PEX14: variants seen among roughly 807,000 people sequenced by gnomAD.
PEX14 encodes peroxisomal biogenesis factor 14.
A neutral mutation model predicts 49.5 loss-of-function variants in PEX14; 15 were observed. The observed-to-expected ratio is 0.30, with a 90% CI of 0.20 to 0.47. The LOEUF (loss-of-function observed/expected upper bound fraction) is 0.47, where lower values mean the gene tolerates loss of function less well. Ranked by LOEUF, PEX14 falls within the 20% of genes least tolerant of loss-of-function variation. The pLI is 1.00. For missense variants in PEX14, 398 were observed against 494.8 expected, an observed-to-expected ratio of 0.80 and a Z score of 1.86; for synonymous variants, 210 against 212.7, an observed-to-expected ratio of 0.99 and a Z score of 0.11.
rs147860741 is a variant in PEX14, at chr1:10,587,238, C to T, written c.170-12000C>T. On this transcript the variant is annotated intron_variant, in intron 3 of 8. Transcript: ENST00000356607. ...TTGGGAGGCCGAGGCAGATGGATCA[C>T]GTGAAGCCAGGAGTTTGAGACCAGC... Among the ~76,000 whole-genome samples, 1,367 of 152,182 alleles carry T rather than the reference C, an allele frequency of 9.0e-3. 21 individuals carry two copies. The highest frequency in any genetic ancestry group is 0.031 in the African/African-American group (1,284 of 41,496).
chr1:10,535,036 A>G (rs1638759093), intron 2 of PEX14, among the ~76,000 whole-genome samples: 1 of 152,230 alleles, frequency 6.6e-6, no homozygotes, highest in Admixed American at 6.5e-5. Flanking sequence ...AGGATCTTAG[A>G]AAACTTCCTT....
chr1:10,553,797 C>T (rs1639402571), intron 3 of PEX14, among the ~76,000 whole-genome samples: 1 of 152,262 alleles, frequency 6.6e-6, no homozygotes, highest in East Asian at 1.9e-4. Context: ...TTGTCCTTCT[C>T]TGTTATATCT....
At chr1:10,562,411 G>A (rs1639676404) in intron 3 of PEX14, among the ~76,000 whole-genome samples, 2 of 152,182 alleles carry the variant, frequency 1.3e-5, no homozygotes, top group African/African-American at 2.4e-5. Flanking sequence ...ATCGTGAGTT[G>A]CATGATTGTC....
At chr1:10,527,410 G>A (rs1443294330) in intron 2 of PEX14, among the ~76,000 whole-genome samples, 28 of 150,180 alleles carry the variant, frequency 1.9e-4, no homozygotes, top group African/African-American at 6.6e-4. Context: ...CCAGCTACTC[G>A]GGAGGCTGAG....
At chr1:10,507,312 C>A (rs536039374) in intron 2 of PEX14, among the ~76,000 whole-genome samples, 3 of 152,242 alleles carry the variant, frequency 2.0e-5, no homozygotes, top group African/African-American at 7.2e-5. Context: ...CACTAGCGTG[C>A]GTGCGGGGCG....
chr1:10,489,675 T>A (rs911462272), intron 1 of PEX14, among the ~76,000 whole-genome samples: 1 of 152,236 alleles, frequency 6.6e-6, no homozygotes, highest in Non-Finnish European at 1.5e-5. Context: ...CCACTTTTTC[T>A]GCATAGCTCT....
At chr1:10,569,102 A>G (rs1639898259) in intron 3 of PEX14, among the ~76,000 whole-genome samples, 1 of 152,146 alleles carries the variant, frequency 6.6e-6, no homozygotes, top group African/African-American at 2.4e-5. Context: ...TTAAATATAA[A>G]CAGTGCTAAT....
intron 3 of PEX14, among the ~76,000 whole-genome samples, chr1:10,596,564 G>A (rs538494348): frequency 2.0e-5 from 3 of 152,120 alleles, no homozygotes; most frequent in Admixed American, 2.0e-4. Flanking sequence ...TTGATGTTTT[G>A]TAACTCTGGT....
At chr1:10,621,902 G>A (rs551020533) in intron 5 of PEX14, among the ~76,000 whole-genome samples, 79 of 152,174 alleles carry the variant, frequency 5.2e-4, no homozygotes, top group African/African-American at 1.7e-3. Flanking sequence ...AGAAGTTTCC[G>A]TCCTCTTTCC....
At chr1:10,555,988 C>G (rs1314925144) in intron 3 of PEX14, among the ~76,000 whole-genome samples, 1 of 152,042 alleles carries the variant, frequency 6.6e-6, no homozygotes, top group Non-Finnish European at 1.5e-5. Context: ...CACTGCTGGA[C>G]AAAGCAGTCC....
intron 3 of PEX14, among the ~76,000 whole-genome samples, chr1:10,581,426 C>G (rs984869742): frequency 2.6e-5 from 4 of 151,402 alleles, no homozygotes; most frequent in African/African-American, 9.7e-5. Context: ...CTGTCTCAGC[C>G]TCCCGAGTAG....
intron 3 of PEX14, among the ~76,000 whole-genome samples, chr1:10,570,752 C>G (rs1439987830): frequency 6.6e-6 from 1 of 151,874 alleles, no homozygotes; most frequent in Non-Finnish European, 1.5e-5. Context: ...TGAGTCCTTC[C>G]TAACATGTAA....
At chr1:10,567,849 G>A (rs1055029413) in intron 3 of PEX14, among the ~76,000 whole-genome samples, 3 of 151,900 alleles carry the variant, frequency 2.0e-5, no homozygotes, top group Non-Finnish European at 4.4e-5. Context: ...CAGGCTGGTC[G>A]CAAACTCCTG....
chr1:10,520,195 TC>T (rs1638238859), intron 2 of PEX14, among the ~76,000 whole-genome samples: 1 of 138,788 alleles, frequency 7.2e-6, no homozygotes, highest in Non-Finnish European at 1.5e-5. Context: ...TCTCACTCTG[TC>T]ACCCCAGGCT....
At chr1:10,598,552 G>T (rs977725173) in intron 3 of PEX14, among the ~76,000 whole-genome samples, 1 of 152,226 alleles carries the variant, frequency 6.6e-6, no homozygotes, top group African/African-American at 2.4e-5. Context: ...GGTTTAGAGT[G>T]TCGGGAGGAT....
At position 10,629,498 on chromosome 1, in the gene PEX14, G is replaced by A. The variant is rs757106108; in HGVS notation, c.678-33G>A. On this transcript the variant is annotated intron_variant, in intron 8 of 8. Transcript: ENST00000356607. This position sits in a 1 kb window ranked among gnomAD's most constrained non-coding sequence, Gnocchi z 8.5. Reference sequence around the variant, plus strand: ...TTCGAAGGGGGGCGTCCTGAATGCCGCCACCAACCTCCTCCCCTTCTTCTC... The same window carrying A: ...TTCGAAGGGGGGCGTCCTGAATGCCACCACCAACCTCCTCCCCTTCTTCTC... 8.5e-6 allele frequency: 13 copies of A among 1,521,018 alleles called. No homozygotes were observed. The highest frequency in any genetic ancestry group is 8.2e-5 in the African/African-American group (6 of 73,160). 94.2% of individuals were successfully genotyped at this position (1,521,018 alleles called of 1,614,324 possible).
chr1:10,538,292 G>A (rs1029167606), intron 3 of PEX14, among the ~76,000 whole-genome samples: 2 of 152,168 alleles, frequency 1.3e-5, no homozygotes, highest in Non-Finnish European at 2.9e-5. Flanking sequence ...AGCAAAGACT[G>A]GAAGGTGACT....
chr1:10,625,391 G>A (rs1324146105), intron 7 of PEX14, among the ~76,000 whole-genome samples: 1 of 152,180 alleles, frequency 6.6e-6, no homozygotes, highest in Non-Finnish European at 1.5e-5. Flanking sequence ...GTCCCATCCC[G>A]AGTTGCTTAC....
intron 4 of PEX14, among the ~76,000 whole-genome samples, chr1:10,609,098 T>C (rs533057870): frequency 1.3e-5 from 2 of 152,370 alleles, no homozygotes; most frequent in Non-Finnish European, 2.9e-5. Flanking sequence ...AGTAATTCAT[T>C]CCATTTTATC....
Sources: allele counts gnomAD v4.1 joint callset (sites outside exome capture counted in the v4.1 genomes callset), GRCh38; gene constraint gnomAD v4.1.1; non-coding constraint Gnocchi (gnomAD v3.1); transcripts MANE v1.5; gene names NCBI Gene and HGNC (gene_info 2026-07-23, HGNC 2026-07-21).